Variants in CD248 observed in about 807,000 individuals in gnomAD.
CD248 encodes the protein CD248 molecule, also known as endosialin.
In CD248, 7 loss-of-function variants were observed where a neutral mutation model predicts 8.0. The ratio of observed to expected loss-of-function variants is 0.88; its 90% CI spans 0.50 to 1.64. The LOEUF (loss-of-function observed/expected upper bound fraction) is 1.64, where lower values mean the gene tolerates loss of function less well. Ranked by LOEUF, CD248 falls within the 40% of genes most tolerant of loss-of-function variation. The pLI, the probability that CD248 is intolerant of heterozygous loss-of-function variation, is 0.00. For synonymous variants in CD248, 418 were observed against 437.1 expected (o/e 0.96, Z 0.54); for missense variants, 912 against 1,027.2 (o/e 0.89, Z 1.53).
Position 66,315,195 on chromosome 11 carries a change from G to C in CD248, c.1833C>G (p.Ala611=). 6.5e-7 allele frequency: 1 copy of C among 1,528,282 alleles called. No homozygotes were observed. The highest frequency in any genetic ancestry group is 8.8e-7 in the Non-Finnish European group (1 of 1,140,654). 94.7% of individuals were successfully genotyped at this position (1,528,282 alleles called of 1,614,324 possible). The change falls in exon 1 of 1, where the codon GCC becomes GCG. Residue 611 remains alanine, a synonymous_variant. Coordinates refer to ENST00000311330, the MANE Select transcript of CD248 (RefSeq NM_020404.3). The surrounding 1 kb of genome is among the most constrained non-coding windows in gnomAD (Gnocchi z 4.3). The part of the protein sequence containing the change: ...SPAHQISVPA[A]TQPAALPTLL... ...GGGTGGGGAGGGCTGCGGGCTGGGT[G>C]GCAGCAGGCACAGAGATTTGATGGG...
Position 66,314,928 on chromosome 11 carries a change from C to G in CD248, c.2100G>C (p.Val700=), listed in dbSNP as rs774440772. The change falls in exon 1 of 1, where the codon GTG becomes GTC. Residue 700 remains valine (V), a synonymous_variant. Coordinates refer to ENST00000311330, the MANE Select transcript of CD248 (RefSeq NM_020404.3). The surrounding 1 kb of genome is among the most constrained non-coding windows in gnomAD (Gnocchi z 4.0). The part of the protein sequence containing the change: ...ALLVPTCVFL[V]VLLALGIVYC... ...ACACGATGCCCAGTGCAAGCAGGACCACCAAAAAGACACACGTTGGCACCA... is the reference window on the plus strand; with the variant it reads ...ACACGATGCCCAGTGCAAGCAGGACGACCAAAAAGACACACGTTGGCACCA... 2 of 1,613,278 alleles carry G rather than the reference C, an allele frequency of 1.2e-6. No individual in the cohort carries two copies. The highest frequency in any genetic ancestry group is 1.7e-6 in the Non-Finnish European group (2 of 1,179,922).
rs1158583393 is a variant in CD248, at chr11:66,315,066, C to T, written c.1962G>A (p.Lys654=). 1.3e-6 allele frequency: 2 copies of T among 1,573,558 alleles called. No homozygotes were observed. Among genetic ancestry groups the T allele is most frequent in the Non-Finnish European group, 1.7e-6 (2 of 1,158,820 alleles). The change falls in exon 1 of 1, where the codon AAG becomes AAA. Residue 654 remains lysine, a synonymous_variant. Transcript: ENST00000311330. The surrounding 1 kb of genome is among the most constrained non-coding windows in gnomAD (Gnocchi z 4.3). The stretch of plus-strand genomic sequence containing the variant: ...CTGGTGAGGGCAGCCACAGGGCCAA[C>T]TTGGGACTGGGGCCATCTTCCCTTG... ...QIPREDGPSP[K]LALWLPSPAP...
rs1854527275 is a variant in CD248, at chr11:66,315,008, C to T, written c.2020G>A (p.Ala674Thr). 6.2e-7 allele frequency: 1 copy of T among 1,609,154 alleles called. No homozygotes were observed. The highest frequency in any genetic ancestry group is 8.5e-7 in the Non-Finnish European group (1 of 1,177,480). The change falls in exon 1 of 1, where the codon GCT (alanine) becomes ACT (threonine). Residue 674 changes from alanine (A) to threonine (T), a missense_variant. Transcript: ENST00000311330. This position sits in a 1 kb window ranked among gnomAD's most constrained non-coding sequence, Gnocchi z 4.3. ...PTAAPTALGE[A>T]GLAEHSQRDD... is the part of the protein sequence containing the mutation. ...CTCTGGCTGTGCTCGGCAAGACCAG[C>T]CTCCCCCAGGGCTGTTGGGGCTGCT...
rs576123682 is a variant in CD248 at position 66,315,733 on chromosome 11, G to A, written c.1295C>T (p.Pro432Leu). The A allele has an allele frequency of 1.2e-5, 19 of 1,610,794 alleles. No individual in the cohort carries two copies. Among genetic ancestry groups the A allele is most frequent in the Admixed American group, 8.3e-5 (5 of 59,926 alleles). ...IPYPEPTWPPPLSAPRVPYHS... is the reference protein window; with the variant it reads ...IPYPEPTWPPLLSAPRVPYHS... ...GTAGGGGACCCTGGGGGCACTGAGC[G>A]GGGGTGGCCAGGTGGGCTCCGGGTA... The change falls in exon 1 of 1, where the codon CCG (proline) becomes CTG (leucine). Residue 432 changes from proline (P) to leucine (L), a missense_variant. Physicochemically the swap from Pro to Leu is moderately conservative, Grantham distance 98. This residue lies in a region of CD248 where 507 missense variants were observed against 562.2 expected (regional missense o/e 0.90). Coordinates refer to ENST00000311330, the MANE Select transcript of CD248 (RefSeq NM_020404.3). The surrounding 1 kb of genome is among the most constrained non-coding windows in gnomAD (Gnocchi z 4.3).
rs745867723 is a variant in CD248 at position 66,315,416 on chromosome 11, C to G, written c.1612G>C (p.Val538Leu). ...HQSPMFPDTR[V>L]AGTQTTTHLP... ...TGAGTGGTGGTCTGGGTGCCAGCGACCCGGGTGTCTGGAAACATGGGGGAC... is the reference window on the plus strand; with the variant it reads ...TGAGTGGTGGTCTGGGTGCCAGCGAGCCGGGTGTCTGGAAACATGGGGGAC... Residue 538 changes from valine to leucine, a missense_variant, in exon 1 of 1, where the codon GTC becomes CTC. Physicochemically the swap from Val to Leu is conservative, Grantham distance 32. This residue lies in a region of CD248 where 507 missense variants were observed against 562.2 expected (regional missense o/e 0.90). Coordinates refer to ENST00000311330, the MANE Select transcript of CD248 (RefSeq NM_020404.3). This position sits in a 1 kb window ranked among gnomAD's most constrained non-coding sequence, Gnocchi z 4.3. 13 of 1,612,686 alleles carry G rather than the reference C, an allele frequency of 8.1e-6. No individual in the cohort carries two copies. Among genetic ancestry groups the G allele is most frequent in the African/African-American group, 1.3e-5 (1 of 74,718 alleles).
Position 66,315,147 on chromosome 11 carries a change from A to C in CD248, c.1881T>G (p.Thr627=). The C allele has an allele frequency of 6.6e-7, 1 of 1,522,730 alleles. No individual in the cohort carries two copies. Among genetic ancestry groups the C allele is most frequent in the Middle Eastern group, 1.8e-4 (1 of 5,598 alleles). The allele number at this position is 1,522,730 out of a possible 1,614,324, so 94.3% of individuals were successfully genotyped here. A position where few individuals can be genotyped will look rare whatever the true frequency, so the allele number is the denominator to read the frequency against. Residue 627 remains threonine (T), a synonymous_variant, in exon 1 of 1, where the codon ACT becomes ACG. Transcript: ENST00000311330. This position sits in a 1 kb window ranked among gnomAD's most constrained non-coding sequence, Gnocchi z 4.3. ...TAGGGCTGATGGGTGAGGTCTGGTTAGTGGGGCTCTGAGAGGGCAGGAGGG... is the reference window on the plus strand; with the variant it reads ...TAGGGCTGATGGGTGAGGTCTGGTTCGTGGGGCTCTGAGAGGGCAGGAGGG... ...LPTLLPSQSP[T]NQTSPISPTH...
Position 66,315,354 on chromosome 11 carries a change from G to T in CD248, c.1674C>A (p.Val558=). ...PGIPPNHAPL[V]TTLGAQLPPQ... The stretch of plus-strand genomic sequence containing the variant: ...GGGGTAGCTGGGCACCGAGGGTGGT[G>T]ACCAGAGGGGCATGGTTAGGTGGGA... Residue 558 remains valine (V), a synonymous_variant, in exon 1 of 1, where the codon GTC becomes GTA. Coordinates refer to ENST00000311330, the MANE Select transcript of CD248 (RefSeq NM_020404.3). This position sits in a 1 kb window ranked among gnomAD's most constrained non-coding sequence, Gnocchi z 4.3. 6.3e-7 allele frequency: 1 copy of T among 1,595,904 alleles called. No homozygotes were observed. The highest frequency in any genetic ancestry group is 2.2e-5 in the East Asian group (1 of 44,704).
chr11:66,316,006 T>C lies in CD248; in HGVS notation c.1022A>G (p.His341Arg). The change falls in exon 1 of 1, where the codon CAT (histidine) becomes CGT (arginine). Residue 341 changes from histidine to arginine, a missense_variant. His to Arg is a conservative substitution (Grantham distance 29, BLOSUM62 0). Around this residue, in one of 3 missense-constraint regions of CD248, gnomAD observed 507 missense variants for 562.2 expected, o/e 0.90. Transcript: ENST00000311330. Reference protein sequence around the residue: ...GGFECYCSEGHELEADGISCS... With the variant: ...GGFECYCSEGRELEADGISCS... ...GCTGATGCCATCAGCCTCCAGCTCA[T>C]GTCCCTCGCTACAATAACACTCGAA... 6.2e-7 allele frequency: 1 copy of C among 1,613,604 alleles called. No homozygotes were observed. The highest frequency in any genetic ancestry group is 1.1e-5 in the South Asian group (1 of 91,086).
rs1298195388 is a variant in CD248, at chr11:66,314,813, C to G, written c.2215G>C (p.Glu739Gln). 5 of 1,568,548 alleles carry G rather than the reference C, an allele frequency of 3.2e-6. No individual in the cohort carries two copies. The highest frequency in any genetic ancestry group is 4.3e-6 in the Non-Finnish European group (5 of 1,156,726). The part of the protein sequence containing the change: ...VIHAGSKSPT[E>Q]PMPPRGSLTG... ...AGGCTGCCCCTGGGGGGCATGGGTTCTGTTGGGCTCTTGCTCCCAGCATGG... is the reference window on the plus strand; with the variant it reads ...AGGCTGCCCCTGGGGGGCATGGGTTGTGTTGGGCTCTTGCTCCCAGCATGG... Residue 739 changes from glutamate to glutamine, a missense_variant, in exon 1 of 1, where the codon GAA (glutamate) becomes CAA (glutamine). By Grantham distance (29) the Glu-to-Gln change is conservative (BLOSUM62 2). Transcript: ENST00000311330. This position sits in a 1 kb window ranked among gnomAD's most constrained non-coding sequence, Gnocchi z 4.0.
In CD248 at chr11:66,316,531, G is replaced by A. The variant is rs764077687; in HGVS notation, c.497C>T (p.Ala166Val). ...CQFGFEGACP[A>V]LQDEAGQAGP... ...GGCCTGGCCCGCCTCATCTTGCAGC[G>A]CCGGGCAGGCGCCCTCGAAGCCAAA... is the stretch of plus-strand genomic sequence containing the variant. Residue 166 changes from alanine to valine, a missense_variant, in exon 1 of 1, where the codon GCG becomes GTG. Coordinates refer to ENST00000311330, the MANE Select transcript of CD248 (RefSeq NM_020404.3). The A allele has an allele frequency of 9.4e-6, 15 of 1,598,876 alleles. No homozygotes were observed. The highest frequency in any genetic ancestry group is 5.3e-5 in the African/African-American group (4 of 74,918).
In CD248 at chr11:66,316,181, G is replaced by A; in HGVS notation, c.847C>T (p.Gln283Ter). 2.5e-6 allele frequency: 4 copies of A among 1,612,486 alleles called. No individual in the cohort carries two copies. Among genetic ancestry groups the A allele is most frequent in the Non-Finnish European group, 3.4e-6 (4 of 1,179,960 alleles). The stretch of plus-strand genomic sequence containing the variant: ...CCTTGTGGCCCACCGGGCTCACACT[G>A]CTGCTCGCACGGAGCCTGGGCACAG... ...DPCAQAPCEQQCEPGGPQGYS... is the reference protein window; with the variant it reads ...DPCAQAPCEQ Residue 283 changes from glutamine (Q) to a stop codon, truncating the protein, a stop_gained, in exon 1 of 1, where the codon CAG (glutamine) becomes TAG (stop). Coordinates refer to ENST00000311330, the MANE Select transcript of CD248 (RefSeq NM_020404.3). LOFTEE classifies it low-confidence loss of function (END_TRUNC).
chr11:66,315,092 G>T lies in CD248; in HGVS notation c.1936C>A (p.Pro646Thr). The T allele has an allele frequency of 6.4e-7, 1 of 1,558,230 alleles. No individual in the cohort carries two copies. Among genetic ancestry groups the T allele is most frequent in the Non-Finnish European group, 8.7e-7 (1 of 1,151,360 alleles). The change falls in exon 1 of 1, where the codon CCA (proline) becomes ACA (threonine). Residue 646 changes from proline (P) to threonine (T), a missense_variant. This residue lies in a region of CD248 where 507 missense variants were observed against 562.2 expected (regional missense o/e 0.90). Transcript: ENST00000311330. The surrounding 1 kb of genome is among the most constrained non-coding windows in gnomAD (Gnocchi z 4.3). ...TTGGGACTGGGGCCATCTTCCCTTG[G>T]GATTTGGGGGGCTTTGGAATGGGGA... ...THPHSKAPQI[P>T]REDGPSPKLA...
rs768526775 is a variant in CD248 at position 66,315,960 on chromosome 11, C to T, written c.1068G>A (p.Met356Ile). The T allele has an allele frequency of 2.5e-6, 4 of 1,613,374 alleles. No individual in the cohort carries two copies. Among genetic ancestry groups the T allele is most frequent in the Non-Finnish European group, 2.5e-6 (3 of 1,179,996 alleles). ...DGISCSPAGAMGAQASQDLGD... is the reference protein window; with the variant it reads ...DGISCSPAGAIGAQASQDLGD... ...CGAGGTCCTGGGAAGCCTGGGCACC[C>T]ATGGCCCCTGCAGGGCTGCAGCTGA... Residue 356 changes from methionine to isoleucine, a missense_variant, in exon 1 of 1, where the codon ATG (methionine) becomes ATA (isoleucine). Around this residue, in one of 3 missense-constraint regions of CD248, gnomAD observed 507 missense variants for 562.2 expected, o/e 0.90. Transcript: ENST00000311330. The surrounding 1 kb of genome is among the most constrained non-coding windows in gnomAD (Gnocchi z 4.3).
chr11:66,315,393 A>T lies in CD248; in HGVS notation c.1635T>A (p.Thr545=), dbSNP rs778318747. ...DTRVAGTQTT[T]HLPGIPPNHA... ...GGTTAGGTGGGATTCCAGGCAAATG[A>T]GTGGTGGTCTGGGTGCCAGCGACCC... is the stretch of plus-strand genomic sequence containing the variant. The change falls in exon 1 of 1, where the codon ACT becomes ACA. Residue 545 remains threonine, a synonymous_variant. Transcript: ENST00000311330. The surrounding 1 kb of genome is among the most constrained non-coding windows in gnomAD (Gnocchi z 4.3). 4 of 1,610,154 alleles carry T rather than the reference A, an allele frequency of 2.5e-6. No homozygotes were observed. Among genetic ancestry groups the T allele is most frequent in the Non-Finnish European group, 3.4e-6 (4 of 1,177,854 alleles).
rs761497628 is a variant in CD248, at chr11:66,316,914, G to C, written c.114C>G (p.Phe38Leu). The C allele has an allele frequency of 8.1e-5, 126 of 1,559,958 alleles. No individual in the cohort carries two copies. The highest frequency in any genetic ancestry group is 8.4e-5 in the Non-Finnish European group (98 of 1,163,086). Residue 38 changes from phenylalanine to leucine, a missense_variant, in exon 1 of 1, where the codon TTC becomes TTG. Physicochemically the swap from Phe to Leu is conservative, Grantham distance 22 (BLOSUM62 0). Around this residue, in one of 3 missense-constraint regions of CD248, gnomAD observed 403 missense variants for 446.2 expected, o/e 0.90. Transcript: ENST00000311330. ...CCTCCAGGAAGGTGCGGCGCCGTGG[G>C]AAGAGAGCGTAGCAGCTGCTGGGGC... ...ACGPSSCYAL[F>L]PRRRTFLEAW...
chr11:66,316,960 G>C lies in CD248; in HGVS notation c.68C>G (p.Ala23Gly), dbSNP rs1327400821. Residue 23 changes from alanine to glycine, a missense_variant, in exon 1 of 1, where the codon GCT becomes GGT. Physicochemically the swap from Ala to Gly is moderately conservative, Grantham distance 60. This residue lies in a region of CD248 where 403 missense variants were observed against 446.2 expected (regional missense o/e 0.90). Coordinates refer to ENST00000311330, the MANE Select transcript of CD248 (RefSeq NM_020404.3). Reference protein sequence around the residue: ...GPTLGQDPWAAEPRAACGPSS... With the variant: ...GPTLGQDPWAGEPRAACGPSS... ...GGGGCCGCAGGCGGCACGGGGCTCA[G>C]CAGCCCAGGGGTCCTGGCCCAGTGT... 1 of 1,544,318 alleles carries C rather than the reference G, an allele frequency of 6.5e-7. No homozygotes were observed. The highest frequency in any genetic ancestry group is 1.4e-5 in the African/African-American group (1 of 71,544).
chr11:66,315,203 G>A lies in CD248; in HGVS notation c.1825C>T (p.Pro609Ser). Residue 609 changes from proline to serine, a missense_variant, in exon 1 of 1, where the codon CCT (proline) becomes TCT (serine). By Grantham distance (74) the Pro-to-Ser change is moderately conservative (BLOSUM62 -1). This residue lies in a region of CD248 where 507 missense variants were observed against 562.2 expected (regional missense o/e 0.90). Coordinates refer to ENST00000311330, the MANE Select transcript of CD248 (RefSeq NM_020404.3). The surrounding 1 kb of genome is among the most constrained non-coding windows in gnomAD (Gnocchi z 4.3). ...PVSPAHQISV[P>S]AATQPAALPT... ...AGGGCTGCGGGCTGGGTGGCAGCAG[G>A]CACAGAGATTTGATGGGCAGGAGAC... 6.5e-7 allele frequency: 1 copy of A among 1,528,980 alleles called. No individual in the cohort carries two copies. Among genetic ancestry groups the A allele is most frequent in the Non-Finnish European group, 8.8e-7 (1 of 1,141,108 alleles). 94.7% of individuals were successfully genotyped at this position (1,528,980 alleles called of 1,614,324 possible).
Position 66,315,034 on chromosome 11 carries a change from G to A in CD248, c.1994C>T (p.Thr665Ile). The change falls in exon 1 of 1, where the codon ACA becomes ATA. Residue 665 changes from threonine to isoleucine, a missense_variant. By Grantham distance (89) the Thr-to-Ile change is moderately conservative. Around this residue, in one of 3 missense-constraint regions of CD248, gnomAD observed 507 missense variants for 562.2 expected, o/e 0.90. Coordinates refer to ENST00000311330, the MANE Select transcript of CD248 (RefSeq NM_020404.3). This position sits in a 1 kb window ranked among gnomAD's most constrained non-coding sequence, Gnocchi z 4.3. ...LALWLPSPAP[T>I]AAPTALGEAG... ...CTCCCCCAGGGCTGTTGGGGCTGCTGTGGGAGCTGGTGAGGGCAGCCACAG... is the reference window on the plus strand; with the variant it reads ...CTCCCCCAGGGCTGTTGGGGCTGCTATGGGAGCTGGTGAGGGCAGCCACAG... 6.3e-7 allele frequency: 1 copy of A among 1,594,134 alleles called. No homozygotes were observed. Among genetic ancestry groups the A allele is most frequent in the East Asian group, 2.2e-5 (1 of 44,682 alleles).
Position 66,316,252 on chromosome 11 carries a change from G to A in CD248, c.776C>T (p.Thr259Ile). Residue 259 changes from threonine to isoleucine, a missense_variant, in exon 1 of 1, where the codon ACT becomes ATT. By Grantham distance (89) the Thr-to-Ile change is moderately conservative (BLOSUM62 -1). Around this residue, in one of 3 missense-constraint regions of CD248, gnomAD observed 403 missense variants for 446.2 expected, o/e 0.90. Coordinates refer to ENST00000311330, the MANE Select transcript of CD248 (RefSeq NM_020404.3). ...GTCTGCTGCCAGCCGGAAGCCCTCA[G>A]TGCAGCGGCAGGACACGTGACCATC... is the stretch of plus-strand genomic sequence containing the variant. ...EVDGHVSCRC[T>I]EGFRLAADGR... is the part of the protein sequence containing the mutation. 6.2e-7 allele frequency: 1 copy of A among 1,613,636 alleles called. No individual in the cohort carries two copies. Among genetic ancestry groups the A allele is most frequent in the South Asian group, 1.1e-5 (1 of 91,082 alleles).
Sources: gnomAD v4.1 joint callset for allele counts on GRCh38, gnomAD v4.1.1 for gene constraint, gnomAD v4.1.1 regional missense constraint, Gnocchi (gnomAD v3.1) non-coding constraint, MANE v1.5 for transcripts, NCBI Gene and HGNC (gene_info 2026-07-23, HGNC 2026-07-21) for gene names.